Variants in ABI3BP observed in about 807,000 individuals in gnomAD.
ABI3BP encodes the protein ABI family member 3 binding protein, also known as target of Nesh-SH3.
ABI3BP carries 216 observed loss-of-function variants against 268.6 expected under a neutral mutation model. The observed-to-expected ratio is 0.80, with a 90% confidence interval of 0.72 to 0.90. The LOEUF is 0.90. Ranked by LOEUF, ABI3BP falls within the 40% of genes least tolerant of loss-of-function variation. ABI3BP has a pLI of 0.00. For missense variants in ABI3BP, 2,090 were observed against 2,182.4 expected, an observed-to-expected ratio of 0.96 and a Z score of 0.84; for synonymous variants, 730 against 730.0, an observed-to-expected ratio of 1.00 and a Z score of 0.00.
At chr3:100,756,197 A>G (rs924413176) in intron 63 of ABI3BP, among the ~76,000 whole-genome samples, 1 of 152,240 alleles carries the variant, frequency 6.6e-6, no homozygotes, top group Non-Finnish European at 1.5e-5. Flanking sequence ...ATGAGGCTCA[A>G]AACACTTGTA....
rs368591421 is a variant in ABI3BP at position 100,847,592 on chromosome 3, T to C, written c.1648+10A>G. 1.2e-6 allele frequency: 2 copies of C among 1,602,692 alleles called. No individual in the cohort carries two copies. The highest frequency in any genetic ancestry group is 1.7e-6 in the Non-Finnish European group (2 of 1,169,714). On this transcript the variant is annotated intron_variant, in intron 19 of 67. Transcript: ENST00000471714. ...AAGCAACACATCTACTAAGGACATA[T>C]CATTATTACCCGGTGTTGTCCATGT...
At chr3:100,977,100 C>A (rs911361527) in intron 1 of ABI3BP, among the ~76,000 whole-genome samples, 6 of 152,174 alleles carry the variant, frequency 3.9e-5, no homozygotes, top group African/African-American at 1.4e-4. Context: ...TCCCAAAATT[C>A]TCTTCCCGTG....
At chr3:100,864,966 G>T in intron 10 of ABI3BP, 59 bp from the exon 11 acceptor site, 1 of 1,300,524 alleles carries the variant, frequency 7.7e-7, no homozygotes, top group East Asian at 2.4e-5. Flanking sequence ...CCAAAGACCA[G>T]GAGACACATC....
At chr3:100,974,937 C>T (rs935010938) in intron 1 of ABI3BP, among the ~76,000 whole-genome samples, 10 of 152,270 alleles carry the variant, frequency 6.6e-5, no homozygotes, top group Admixed American at 1.3e-4. Flanking sequence ...GCCCAAGATG[C>T]TGTTTGAGAT....
intron 16 of ABI3BP, among the ~76,000 whole-genome samples, chr3:100,850,382 G>C (rs1252503727): frequency 6.6e-6 from 1 of 152,306 alleles, no homozygotes; most frequent in East Asian, 1.9e-4. Context: ...CATGTGAAGT[G>C]AGATGGTGCA....
intron 63 of ABI3BP, among the ~76,000 whole-genome samples, chr3:100,757,753 C>CTT (rs2095702259): frequency 6.6e-6 from 1 of 152,060 alleles, no homozygotes; most frequent in Non-Finnish European, 1.5e-5. Flanking sequence ...AAAGAAATGA[C>CTT]TGGAGTATTT....
intron 55 of ABI3BP, among the ~76,000 whole-genome samples, chr3:100,790,193 G>A (rs1241074389): frequency 6.6e-6 from 1 of 151,968 alleles, no homozygotes; most frequent in Non-Finnish European, 1.5e-5. Flanking sequence ...ATGAAGACTT[G>A]CTGAAGGAAT....
At chr3:100,951,244 T>G (rs1304331686) in intron 1 of ABI3BP, among the ~76,000 whole-genome samples, 5 of 151,906 alleles carry the variant, frequency 3.3e-5, no homozygotes, top group Non-Finnish European at 7.3e-5. Context: ...TGTATGCACG[T>G]GTGTGAGCAC....
intron 1 of ABI3BP, among the ~76,000 whole-genome samples, chr3:100,935,002 C>T (rs550146225): frequency 2.2e-4 from 33 of 151,654 alleles, no homozygotes; most frequent in Admixed American, 4.6e-4. Context: ...TTTCTCTATT[C>T]TGGCTTTTGT....
In ABI3BP at chr3:100,770,860, C is replaced by T; in HGVS notation, c.4624G>A (p.Gly1542Arg). Residue 1542 changes from glycine (G) to arginine (R), a missense_variant, in exon 62 of 68, where the codon GGG becomes AGG. Physicochemically the swap from Gly to Arg is moderately radical, Grantham distance 125. Coordinates refer to ENST00000471714, the MANE Select transcript of ABI3BP (RefSeq NM_001375547.2). ...TTCTGTGGTGGGCTGGTGGCATTCC[C>T]CTCTGTGGCCTCCTCTTTGGGGAAC... ...KRFPKEEATE[G>R]NATSPPQNPP... is the part of the protein sequence containing the mutation. 6.2e-7 allele frequency: 1 copy of T among 1,604,218 alleles called. No individual in the cohort carries two copies. Among genetic ancestry groups the T allele is most frequent in the South Asian group, 1.1e-5 (1 of 88,418 alleles).
In ABI3BP at chr3:100,780,212, A is replaced by G; in HGVS notation, c.4163-3T>C. ...TGGCCTGGGTGCTTGCTTGACCCCT[A>G]TGAGCAGAGATAATGAAAGGGAATA... On this transcript the variant is annotated splice_region_variant and splice_polypyrimidine_tract_variant and intron_variant, in intron 57 of 67. Transcript: ENST00000471714. The G allele has an allele frequency of 3.7e-6, 6 of 1,611,026 alleles. No individual in the cohort carries two copies. The highest frequency in any genetic ancestry group is 2.2e-5 in the East Asian group (1 of 44,782).
intron 27 of ABI3BP, 128 bp downstream of exon 27, chr3:100,836,996 A>T (rs2098603390): frequency 2.3e-6 from 2 of 870,558 alleles, no homozygotes; most frequent in Non-Finnish European, 1.7e-6. Flanking sequence ...TGTTGAAAAT[A>T]GTGAAAATTT....
intron 54 of ABI3BP, among the ~76,000 whole-genome samples, chr3:100,794,180 G>T (rs2097274180): frequency 6.6e-6 from 1 of 151,950 alleles, no homozygotes; most frequent in African/African-American, 2.4e-5. Context: ...TGTTCAACAT[G>T]TTGCTCTTTT....
rs117453175 is a variant in ABI3BP, at chr3:100,829,006, C to A, written c.2543-554G>T. On this transcript the variant is annotated intron_variant, in intron 33 of 67. Transcript: ENST00000471714. ...AAATGTTCTGATCAACACCTAGAAG[C>A]CTGACAGCCTCCAGTGGTCAGAGAA... 1.5e-3 allele frequency among the ~76,000 whole-genome samples: 222 copies of A among 152,186 alleles called. No individual in the cohort carries two copies. In the East Asian group the frequency reaches 0.033, roughly 23 times the overall value.
chr3:100,789,530 A>G lies in ABI3BP; in HGVS notation c.4025-14T>C. On this transcript the variant is annotated splice_polypyrimidine_tract_variant and intron_variant, in intron 55 of 67. Transcript: ENST00000471714. ...ATCTGTGTGGCGCTGAAACAGAGGA[A>G]CACTTTATATTTAATAACCAACAGA... 3 of 1,580,152 alleles carry G rather than the reference A, an allele frequency of 1.9e-6. No individual in the cohort carries two copies. The highest frequency in any genetic ancestry group is 2.6e-6 in the Non-Finnish European group (3 of 1,161,394).
intron 45 of ABI3BP, among the ~76,000 whole-genome samples, chr3:100,812,795 C>T (rs753743338): frequency 2.0e-5 from 3 of 152,036 alleles, no homozygotes; most frequent in Non-Finnish European, 4.4e-5. Context: ...AATTACAGTC[C>T]TACGGAAGAA....
intron 10 of ABI3BP, among the ~76,000 whole-genome samples, chr3:100,866,051 C>T (rs2099048279): frequency 6.6e-6 from 1 of 152,172 alleles, no homozygotes; most frequent in Non-Finnish European, 1.5e-5. Context: ...TTTACTGCCA[C>T]AACAACTTTT....
At chr3:100,811,872 AT>A in intron 46 of ABI3BP, 73 bp from the exon 47 acceptor site, 1 of 1,072,674 alleles carries the variant, frequency 9.3e-7, no homozygotes, top group Non-Finnish European at 1.4e-6. Context: ...CCTGCATTTA[AT>A]TTAAAAATAG....
At position 100,992,771 on chromosome 3, in the gene ABI3BP, T is replaced by C. The variant is rs190387249; in HGVS notation, c.79+535A>G. 4.3e-4 allele frequency among the ~76,000 whole-genome samples: 66 copies of C among 152,324 alleles called. No individual in the cohort carries two copies. The East Asian group carries it at 0.013, about 29-fold the overall frequency. On this transcript the variant is annotated intron_variant, in intron 1 of 67. Transcript: ENST00000471714. ...GTGTCCTGTCCAACAGCTCAAGCCCTCTTCCAAACTCCACTGGAGGGACGT... is the reference window on the plus strand; with the variant it reads ...GTGTCCTGTCCAACAGCTCAAGCCCCCTTCCAAACTCCACTGGAGGGACGT...
Sources: gnomAD v4.1 joint callset for allele counts (sites outside exome capture counted in the v4.1 genomes callset) on GRCh38, gnomAD v4.1.1 for gene constraint, MANE v1.5 for transcripts, NCBI Gene and HGNC (gene_info 2026-07-23, HGNC 2026-07-21) for gene names.